EPB41L3: variants seen among roughly 807,000 people sequenced by gnomAD.
EPB41L3 encodes the protein erythrocyte membrane protein band 4.1 like 3, also known as band 4.1-like protein 3.
A neutral mutation model predicts 127.1 loss-of-function variants in EPB41L3; 57 were observed. That is an observed-to-expected ratio of 0.45 (90% CI 0.36 to 0.56). The LOEUF is 0.56. EPB41L3 is among the 20% of genes least tolerant of loss of function. The pLI is 0.00. For missense variants in EPB41L3, 1,273 were observed against 1,372.2 expected, an observed-to-expected ratio of 0.93 and a Z score of 1.14; for synonymous variants, 572 against 549.5, an observed-to-expected ratio of 1.04 and a Z score of -0.57.
chr18:5,515,660 C>G (rs1475491091), intron 1 of EPB41L3, among the ~76,000 whole-genome samples: 1 of 152,118 alleles, frequency 6.6e-6, no homozygotes, highest in Non-Finnish European at 1.5e-5. Context: ...GTCTCAAAAT[C>G]CTTAAGGTCA....
At chr18:5,547,974 G>A (rs535966265), upstream of EPB41L3, among the ~76,000 whole-genome samples, 1 of 152,138 alleles carries the variant, frequency 6.6e-6, no homozygotes, top group Non-Finnish European at 1.5e-5. Flanking sequence ...AAATATTGAC[G>A]CTTGAGCAAA....
At chr18:5,418,525 C>T (rs1030362808) in intron 12 of EPB41L3, among the ~76,000 whole-genome samples, 5 of 152,044 alleles carry the variant, frequency 3.3e-5, no homozygotes, top group Non-Finnish European at 7.4e-5. Flanking sequence ...TCTTTTCTGT[C>T]CCCTTTAAAG....
upstream of EPB41L3, among the ~76,000 whole-genome samples, chr18:5,546,508 C>A (rs187564266): frequency 1.7e-3 from 266 of 152,220 alleles, 2 homozygotes; most frequent in African/African-American, 6.2e-3. Flanking sequence ...CTAGCCTGGG[C>A]AACAGAGAGA....
chr18:5,594,725 A>C (rs2143637694), intron 3 of EPB41L3, among the ~76,000 whole-genome samples: 1 of 152,308 alleles, frequency 6.6e-6, no homozygotes, highest in African/African-American at 2.4e-5. Context: ...GCAGTACTGA[A>C]GCCTTAATCT....
At chr18:5,537,044 T>C (rs1325482021) in intron 1 of EPB41L3, among the ~76,000 whole-genome samples, 1 of 152,168 alleles carries the variant, frequency 6.6e-6, no homozygotes, top group Admixed American at 6.5e-5. Flanking sequence ...ATCCTTCAGA[T>C]ATAAGCATTA....
At chr18:5,498,706 A>C (rs2148471020) in intron 1 of EPB41L3, among the ~76,000 whole-genome samples, 1 of 152,266 alleles carries the variant, frequency 6.6e-6, no homozygotes, top group African/African-American at 2.4e-5. Context: ...ATCAAATCAA[A>C]GTGGACATTT....
At chr18:5,479,589 C>T (rs977207789) in intron 2 of EPB41L3, 1 of 152,070 alleles carries the variant, frequency 6.6e-6, no homozygotes, top group South Asian at 2.1e-4. Flanking sequence ...CAAAAGATTG[C>T]TAATACAGTA....
intron 1 of EPB41L3, among the ~76,000 whole-genome samples, chr18:5,519,879 G>T (rs886731928): frequency 2.6e-5 from 4 of 152,320 alleles, no homozygotes; most frequent in Admixed American, 2.6e-4. Flanking sequence ...GAAATCACTA[G>T]AATGACGAAT....
At chr18:5,508,042 A>C (rs1429940840) in intron 1 of EPB41L3, 1 of 152,114 alleles carries the variant, frequency 6.6e-6, no homozygotes, top group Non-Finnish European at 1.5e-5. Flanking sequence ...CTCAGGAGGG[A>C]GATAAGGGAC....
At chr18:5,475,397 C>G (rs1013328990) in intron 3 of EPB41L3, among the ~76,000 whole-genome samples, 8 of 152,198 alleles carry the variant, frequency 5.3e-5, no homozygotes, top group African/African-American at 1.9e-4. Flanking sequence ...ACCATTAGCC[C>G]TCCCCAGTCC....
chr18:5,428,224 G>A, intron 9 of EPB41L3, 89 bp downstream of exon 9: 2 of 1,492,204 alleles, frequency 1.3e-6, no homozygotes, highest in Non-Finnish European at 9.2e-7. Context: ...GTCCCACAAT[G>A]CTCAGAACTC....
chr18:5,397,091 A>C lies in EPB41L3; in HGVS notation c.2808T>G (p.Ile936Met). 2 of 1,605,238 alleles carry C rather than the reference A, an allele frequency of 1.2e-6. No homozygotes were observed. The highest frequency in any genetic ancestry group is 1.7e-6 in the Non-Finnish European group (2 of 1,176,954). The change falls in exon 18 of 23, where the codon ATT (isoleucine) becomes ATG (methionine). Residue 936 changes from isoleucine (I) to methionine (M), a missense_variant. Coordinates refer to ENST00000341928, the MANE Select transcript of EPB41L3 (RefSeq NM_012307.5). This position sits in a 1 kb window ranked among gnomAD's most constrained non-coding sequence, Gnocchi z 4.1. ...GAGGTTTTTGTTCCAAAGTTTCTGA[A>C]ATGTGGATGGCTGCACTCTGCTCCT... Reference protein sequence around the residue: ...RQEEQSAAIHISETLEQKPHF... With the variant: ...RQEEQSAAIHMSETLEQKPHF...
chr18:5,534,875 G>C (rs1225658493), intron 1 of EPB41L3, among the ~76,000 whole-genome samples: 3 of 152,124 alleles, frequency 2.0e-5, no homozygotes, highest in Non-Finnish European at 4.4e-5. Context: ...GAGAAATAGA[G>C]TACTCCTCCC....
intron 1 of EPB41L3, among the ~76,000 whole-genome samples, chr18:5,617,962 C>G (rs1029483034): frequency 3.9e-5 from 6 of 152,116 alleles, no homozygotes; most frequent in African/African-American, 1.4e-4. Flanking sequence ...TAGGGAGGTA[C>G]CATTTGGCTT....
chr18:5,400,599 G>C, intron 16 of EPB41L3: 1 of 461,768 alleles, frequency 2.2e-6, no homozygotes, highest in East Asian at 6.8e-5. Context: ...CACTTGGCTA[G>C]TGGGGAAACC....
At chr18:5,604,889 G>A (rs555377877) in intron 3 of EPB41L3, among the ~76,000 whole-genome samples, 1 of 152,092 alleles carries the variant, frequency 6.6e-6, no homozygotes, top group Admixed American at 6.5e-5. Context: ...CGCCCATATG[G>A]TGGACACTAT....
chr18:5,562,543 G>A (rs551257027), intron 3 of EPB41L3, among the ~76,000 whole-genome samples: 1 of 152,260 alleles, frequency 6.6e-6, no homozygotes, highest in African/African-American at 2.4e-5. Context: ...TTTATAAAGG[G>A]GATGGGTCAG....
chr18:5,494,400 G>A (rs984513030), intron 1 of EPB41L3, among the ~76,000 whole-genome samples: 1 of 152,238 alleles, frequency 6.6e-6, no homozygotes, highest in Non-Finnish European at 1.5e-5. Context: ...GCTCACGCCT[G>A]TAATCCCAAC....
chr18:5,428,405 C>T lies in EPB41L3; in HGVS notation c.973G>A (p.Asp325Asn), dbSNP rs965134652. ...VCASGLLIYRDRLRINRFAWP... is the reference protein window; with the variant it reads ...VCASGLLIYRNRLRINRFAWP... ...GCAAATCTGTTTATTCGCAGCCGGT[C>T]GCGATATATCAACAGACCACTTGCA... The change falls in exon 9 of 23, where the codon GAC (aspartate) becomes AAC (asparagine). Residue 325 changes from aspartate to asparagine, a missense_variant. Transcript: ENST00000341928. 6.2e-7 allele frequency: 1 copy of T among 1,614,156 alleles called. No homozygotes were observed. The highest frequency in any genetic ancestry group is 8.5e-7 in the Non-Finnish European group (1 of 1,180,032).
Sources: gnomAD v4.1 joint callset for allele counts (sites outside exome capture counted in the v4.1 genomes callset) on GRCh38, gnomAD v4.1.1 for gene constraint, Gnocchi (gnomAD v3.1) non-coding constraint, MANE v1.5 for transcripts, NCBI Gene and HGNC (gene_info 2026-07-23, HGNC 2026-07-21) for gene names.